The following CBFB variants were observed in gnomAD, a reference collection of about 807,000 sequenced individuals.
CBFB encodes the protein core-binding factor subunit beta.
A neutral mutation model predicts 30.4 loss-of-function variants in CBFB; 9 were observed. That is an observed-to-expected ratio of 0.30 (90% CI 0.18 to 0.52). The LOEUF (loss-of-function observed/expected upper bound fraction) is 0.52, where lower values mean the gene tolerates loss of function less well. Among genes scored for constraint, CBFB ranks in the 20% least tolerant of loss-of-function variants. The pLI, the probability that CBFB is intolerant of heterozygous loss-of-function variation, is 0.97. For missense variants in CBFB, 170 were observed against 244.0 expected (o/e 0.70, Z 2.02); for synonymous variants, 94 against 84.0 (o/e 1.12, Z -0.65).
intron 3 of CBFB, among the ~76,000 whole-genome samples, chr16:67,054,133 G>GT (rs1022203889): frequency 6.6e-5 from 10 of 151,716 alleles, no homozygotes; most frequent in Admixed American, 5.9e-4. Flanking sequence ...GGGCTTTTTT[G>GT]TTTTTTTCTT....
In CBFB at chr16:67,099,296, T is replaced by A. The variant is rs1962149769; in HGVS notation, c.*518T>A. ...CTATAGCATTTTAAAACTGCTGATG[T>A]TGTTTGCATTATTTACAGGCTAAAA... is the stretch of plus-strand genomic sequence containing the variant. On this transcript the variant is annotated 3_prime_UTR_variant, in exon 6 of 6. Transcript: ENST00000412916. The A allele has an allele frequency of 4.3e-6, 1 of 230,500 alleles. No homozygotes were observed. The highest frequency in any genetic ancestry group is 8.6e-6 in the Non-Finnish European group (1 of 116,430). The allele number at this position is 230,500 out of a possible 1,614,324, so 14.3% of individuals were successfully genotyped here. A position where few individuals can be genotyped will look rare whatever the true frequency, so the allele number is the denominator to read the frequency against.
chr16:67,029,577 C>A, intron 1 of CBFB, 92 bp downstream of exon 1: 1 of 1,387,316 alleles, frequency 7.2e-7, no homozygotes, highest in East Asian at 2.8e-5. Context: ...CCCCGGGAGT[C>A]CCGGTCGGTG....
rs76486133 is a variant in CBFB, at chr16:67,032,187, C to G, written c.165+2374C>G. Among the ~76,000 whole-genome samples the G allele has an allele frequency of 0.012, 1,900 of 152,044 alleles. 110 individuals are homozygous for G. The East Asian group carries it at 0.18, about 14-fold the overall frequency. ...TTAGTGTTTGTCATGAATTTATTTC[C>G]AGGATGAATTAGACATTCTAGACCT... On this transcript the variant is annotated intron_variant, in intron 2 of 5. Coordinates refer to ENST00000412916, the MANE Select transcript of CBFB (RefSeq NM_022845.3).
At chr16:67,052,778 A>G (rs1375506273) in intron 3 of CBFB, among the ~76,000 whole-genome samples, 3 of 152,120 alleles carry the variant, frequency 2.0e-5, no homozygotes, top group African/African-American at 7.2e-5. Context: ...CCCGGGCAAC[A>G]AAGTGAGACC....
intron 3 of CBFB, among the ~76,000 whole-genome samples, chr16:67,053,138 C>T (rs1486821057): frequency 6.6e-6 from 1 of 151,796 alleles, no homozygotes; most frequent in Non-Finnish European, 1.5e-5. Flanking sequence ...CATTTTATTT[C>T]CTGTGCATAT....
intron 5 of CBFB, among the ~76,000 whole-genome samples, chr16:67,096,777 A>G (rs889655591): frequency 3.4e-4 from 52 of 151,846 alleles, no homozygotes; most frequent in African/African-American, 1.2e-3. Context: ...GATTGAGACC[A>G]TCCTGGCTAA....
intron 5 of CBFB, among the ~76,000 whole-genome samples, chr16:67,091,959 C>T (rs1391741220): frequency 2.0e-5 from 3 of 152,056 alleles, no homozygotes; most frequent in African/African-American, 7.2e-5. Context: ...CCACAACCTC[C>T]ACCTCCCGGG....
rs1159760482 is a variant in CBFB at position 67,099,476 on chromosome 16, A to T, written c.*698A>T. ...GCAGTGTTGCCCAGGCTGGTCTCGA[A>T]CTCCTGGCATCAAGCGATCCTCCTG... On this transcript the variant is annotated 3_prime_UTR_variant, in exon 6 of 6. Coordinates refer to ENST00000412916, the MANE Select transcript of CBFB (RefSeq NM_022845.3). 9.9e-6 allele frequency: 2 copies of T among 203,038 alleles called. No homozygotes were observed. The highest frequency in any genetic ancestry group is 1.5e-4 in the East Asian group (2 of 13,378). The allele number at this position is 203,038 out of a possible 1,614,324, so 12.6% of individuals were successfully genotyped here.
intron 3 of CBFB, among the ~76,000 whole-genome samples, chr16:67,045,050 C>A (rs1966598485): frequency 6.6e-6 from 1 of 152,032 alleles, no homozygotes; most frequent in South Asian, 2.1e-4. Flanking sequence ...CTATAATACT[C>A]TAATAATAAC....
chr16:67,049,992 AC>A (rs1966709384), intron 3 of CBFB, among the ~76,000 whole-genome samples: 1 of 151,884 alleles, frequency 6.6e-6, no homozygotes, highest in Admixed American at 6.6e-5. Flanking sequence ...TACAGCCAGG[AC>A]CCAGACCCAC....
At chr16:67,063,487 G>A (rs1597142414) in intron 3 of CBFB, among the ~76,000 whole-genome samples, 1 of 149,812 alleles carries the variant, frequency 6.7e-6, no homozygotes, top group East Asian at 1.9e-4. Context: ...AGTCTACCAG[G>A]CTAGAGTGCA....
chr16:67,096,920 C>T (rs1346966572), intron 5 of CBFB, among the ~76,000 whole-genome samples: 1 of 141,886 alleles, frequency 7.0e-6, no homozygotes, highest in Admixed American at 7.2e-5. Flanking sequence ...CCAGCGACTC[C>T]GTCTCAAAAA....
intron 2 of CBFB, 94 bp from the exon 3 acceptor site, chr16:67,036,545 C>T (rs567899212): frequency 4.7e-5 from 35 of 744,912 alleles, no homozygotes; most frequent in South Asian, 4.7e-4. Context: ...TGCTGCCTGG[C>T]TTAAGACATA....
intron 3 of CBFB, among the ~76,000 whole-genome samples, chr16:67,051,938 CACACACGCAT>C (rs1208743720): frequency 6.6e-5 from 10 of 151,684 alleles, no homozygotes; most frequent in Non-Finnish European, 1.3e-4. Context: ...CACACACACA[CACACACGCAT>C]ACATATATAT....
rs1962167887 is a variant in CBFB, at chr16:67,099,919, G to T, written c.*1141G>T. ...AGTTTTAGAGAGAAAATGTTCATCT[G>T]TGCAGAGGATGCATTTTCTTCCATT... On this transcript the variant is annotated 3_prime_UTR_variant, in exon 6 of 6. Transcript: ENST00000412916. The T allele has an allele frequency of 4.7e-6, 1 of 211,126 alleles. No individual in the cohort carries two copies. Among genetic ancestry groups the T allele is most frequent in the Admixed American group, 5.9e-5 (1 of 17,020 alleles). 13.1% of individuals were successfully genotyped at this position (211,126 alleles called of 1,614,324 possible).
intron 4 of CBFB, among the ~76,000 whole-genome samples, chr16:67,074,925 G>A (rs942602743): frequency 1.3e-5 from 2 of 152,126 alleles, no homozygotes; most frequent in Non-Finnish European, 2.9e-5. Context: ...AGGCGCAGTG[G>A]CTCATGCTTG....
intron 5 of CBFB, among the ~76,000 whole-genome samples, chr16:67,085,492 T>G (rs1961698276): frequency 6.1e-5 from 1 of 16,350 alleles, no homozygotes; most frequent in Non-Finnish European, 2.0e-4. Context: ...TTAATATCTT[T>G]TTTTTGGGTG....
rs142413020 is a variant in CBFB at position 67,041,410 on chromosome 16, G to A, written c.282+4655G>A. Among the ~76,000 whole-genome samples, 864 of 152,282 alleles carry A rather than the reference G, an allele frequency of 5.7e-3. 3 individuals are homozygous for A. The highest frequency in any genetic ancestry group is 0.019 in the African/African-American group (807 of 41,552). ...GGTAGTGAGAAATGGTCATATCCTG[G>A]ATGTATTTTGAGATAGAGCCAATAG... On this transcript the variant is annotated intron_variant, in intron 3 of 5. Transcript: ENST00000412916.
In CBFB at chr16:67,092,698, C is replaced by CTTTTTTTT. The variant is rs777213321; in HGVS notation, c.496-5987_496-5980dup. ...CCAGGCTAGGTTACAGTGGTGCAAT[C>CTTTTTTTT]TTTTTTTTTTTTTTTTTTTTTTTTT... is the stretch of plus-strand genomic sequence containing the variant. On this transcript the variant is annotated intron_variant, in intron 5 of 5. Transcript: ENST00000412916. 5.7e-4 allele frequency among the ~76,000 whole-genome samples: 19 copies of CTTTTTTTT among 33,528 alleles called. 5 individuals are homozygous for CTTTTTTTT. The highest frequency in any genetic ancestry group is 1.8e-3 in the African/African-American group (16 of 8,718). The allele number at this position is 33,528 out of a possible 152,430, so 22.0% of individuals were successfully genotyped here. A position where few individuals can be genotyped will look rare whatever the true frequency, so the allele number is the denominator to read the frequency against.
Sources: gnomAD v4.1 joint callset for allele counts (sites outside exome capture counted in the v4.1 genomes callset) on GRCh38, gnomAD v4.1.1 for gene constraint, MANE v1.5 for transcripts, NCBI Gene and HGNC (gene_info 2026-07-23, HGNC 2026-07-21) for gene names.